The following ITSN1 variants were observed in gnomAD, a reference collection of about 807,000 sequenced individuals.
ITSN1 encodes intersectin 1.
In ITSN1, 58 loss-of-function variants were observed where a neutral mutation model predicts 239.8. The observed-to-expected ratio is 0.24, with a 90% CI of 0.20 to 0.30. The LOEUF is 0.30. Among genes scored for constraint, ITSN1 ranks in the 10% least tolerant of loss-of-function variants. The pLI is 1.00. For synonymous variants in ITSN1, 780 were observed against 770.8 expected, an observed-to-expected ratio of 1.01 and a Z score of -0.20; for missense variants, 1,558 against 2,103.3, an observed-to-expected ratio of 0.74 and a Z score of 5.07.
chr21:33,712,716 AAAG>A (rs2092449879), intron 1 of ITSN1, among the ~76,000 whole-genome samples: 2 of 152,180 alleles, frequency 1.3e-5, no homozygotes, highest in Admixed American at 6.5e-5. Context: ...AAAAGACAAA[AAAG>A]AAAGTTTTTA....
chr21:33,726,088 G>C (rs2065815127), intron 4 of ITSN1, among the ~76,000 whole-genome samples: 1 of 152,152 alleles, frequency 6.6e-6, no homozygotes, highest in Non-Finnish European at 1.5e-5. Context: ...CTGCCTCCCA[G>C]GTTCAAGTGA....
At chr21:33,768,662 A>G (rs1397618098) in intron 11 of ITSN1, among the ~76,000 whole-genome samples, 1 of 152,216 alleles carries the variant, frequency 6.6e-6, no homozygotes, top group African/African-American at 2.4e-5. Flanking sequence ...TGAATTATTA[A>G]TGATGAGATG....
intron 1 of ITSN1, among the ~76,000 whole-genome samples, chr21:33,706,742 ATTTG>A (rs938947863): frequency 3.9e-5 from 6 of 152,052 alleles, no homozygotes; most frequent in South Asian, 4.2e-4. Flanking sequence ...TTCAGGTTTT[ATTTG>A]TTTATTTATT....
At chr21:33,738,599 A>G (rs2066648148) in intron 5 of ITSN1, among the ~76,000 whole-genome samples, 1 of 151,918 alleles carries the variant, frequency 6.6e-6, no homozygotes, top group Non-Finnish European at 1.5e-5. Context: ...ACGGGGTTTC[A>G]CCATCTTGGC....
chr21:33,781,963 T>A (rs2070227072), intron 15 of ITSN1, 31 bp from the exon 16 acceptor site: 1 of 1,564,338 alleles, frequency 6.4e-7, no homozygotes, highest in East Asian at 2.2e-5. Flanking sequence ...ATTAAAGTTT[T>A]TCTTATCTTT....
Position 33,882,740 on chromosome 21 carries a change from G to C in ITSN1, c.4554+285G>C, listed in dbSNP as rs977804522. Among the ~76,000 whole-genome samples, 2 of 152,144 alleles carry C rather than the reference G, an allele frequency of 1.3e-5. No homozygotes were observed. The highest frequency in any genetic ancestry group is 4.8e-5 in the African/African-American group (2 of 41,414). The stretch of plus-strand genomic sequence containing the variant: ...CTTTAGCCTGTAGGAGCGAAGTCTA[G>C]GGTACAGATGAGGCAGGTGTGAAAA... On this transcript the variant is annotated intron_variant, in intron 35 of 39. Transcript: ENST00000381318. The surrounding 1 kb of genome is among the most constrained non-coding windows in gnomAD (Gnocchi z 4.5).
At position 33,810,961 on chromosome 21, in the gene ITSN1, G is replaced by C; in HGVS notation, c.2320-14G>C. ...TTAATTTAGTTCTACTTAAAGCTGTGACTTTTTCCACAGGTGGATGAAAGC... is the reference window on the plus strand; with the variant it reads ...TTAATTTAGTTCTACTTAAAGCTGTCACTTTTTCCACAGGTGGATGAAAGC... On this transcript the variant is annotated splice_polypyrimidine_tract_variant and intron_variant, in intron 20 of 39. Coordinates refer to ENST00000381318, the MANE Select transcript of ITSN1 (RefSeq NM_003024.3). 1 of 1,614,180 alleles carries C rather than the reference G, an allele frequency of 6.2e-7. No individual in the cohort carries two copies. The highest frequency in any genetic ancestry group is 8.5e-7 in the Non-Finnish European group (1 of 1,180,018).
chr21:33,833,493 T>C (rs2074412126), intron 27 of ITSN1, among the ~76,000 whole-genome samples: 1 of 152,202 alleles, frequency 6.6e-6, no homozygotes. Flanking sequence ...CACTCAACTT[T>C]TCATCTGGAA....
intron 4 of ITSN1, among the ~76,000 whole-genome samples, chr21:33,730,989 C>T (rs1220118153): frequency 2.0e-5 from 3 of 152,240 alleles, no homozygotes; most frequent in Admixed American, 1.3e-4. Context: ...AGCCACCGCG[C>T]CCAGCCGTAA....
chr21:33,687,481 A>C (rs757801851), intron 1 of ITSN1, among the ~76,000 whole-genome samples: 27 of 151,988 alleles, frequency 1.8e-4, no homozygotes, highest in Non-Finnish European at 3.5e-4. Context: ...ACATAATAAG[A>C]CAATCTGAAA....
chr21:33,783,255 A>G (rs576911285), intron 16 of ITSN1, among the ~76,000 whole-genome samples: 2 of 152,358 alleles, frequency 1.3e-5, no homozygotes, highest in Non-Finnish European at 2.9e-5. Context: ...CTCCTATTCT[A>G]TAATTCTAAA....
At chr21:33,743,235 G>A (rs2066973054) in intron 5 of ITSN1, among the ~76,000 whole-genome samples, 1 of 152,230 alleles carries the variant, frequency 6.6e-6, no homozygotes, top group East Asian at 1.9e-4. Flanking sequence ...AGAGGCCGAG[G>A]TGAGCGGATC....
At chr21:33,677,541 T>C (rs1230140594) in intron 1 of ITSN1, among the ~76,000 whole-genome samples, 1 of 152,050 alleles carries the variant, frequency 6.6e-6, no homozygotes, top group African/African-American at 2.4e-5. Context: ...GGTTTCGCCC[T>C]GTTGGCCAGG....
At chr21:33,849,798 C>T (rs1347365024) in intron 29 of ITSN1, among the ~76,000 whole-genome samples, 1 of 152,018 alleles carries the variant, frequency 6.6e-6, no homozygotes, top group Non-Finnish European at 1.5e-5. Flanking sequence ...TACAATGTAC[C>T]CACAAAACTT....
At chr21:33,696,304 C>T (rs1325385332) in intron 1 of ITSN1, among the ~76,000 whole-genome samples, 2 of 152,110 alleles carry the variant, frequency 1.3e-5, no homozygotes, top group African/African-American at 4.8e-5. Flanking sequence ...TGCAGATTGC[C>T]TTTATCTCCT....
At chr21:33,741,963 G>A (rs1211045704) in intron 5 of ITSN1, among the ~76,000 whole-genome samples, 2 of 150,836 alleles carry the variant, frequency 1.3e-5, no homozygotes, top group East Asian at 1.9e-4. Context: ...TGCTGCTTGC[G>A]AGTCAACAAT....
chr21:33,707,631 G>A (rs2092293356), intron 1 of ITSN1, among the ~76,000 whole-genome samples: 1 of 152,144 alleles, frequency 6.6e-6, no homozygotes, highest in Non-Finnish European at 1.5e-5. Flanking sequence ...AATTTTTCTG[G>A]AAGTGGAATC....
intron 29 of ITSN1, chr21:33,837,337 T>C: frequency 1.9e-6 from 2 of 1,032,570 alleles, no homozygotes; most frequent in Non-Finnish European, 1.2e-6. Flanking sequence ...TTTAAATATA[T>C]ATTTTAGCTT....
chr21:33,886,512 C>A, intron 39 of ITSN1, 52 bp downstream of exon 39: 1 of 1,457,322 alleles, frequency 6.9e-7, no homozygotes, highest in Non-Finnish European at 9.2e-7. Flanking sequence ...CACTCGTTTG[C>A]GTGGGTTAAT....
Sources: gnomAD v4.1 joint callset for allele counts (sites outside exome capture counted in the v4.1 genomes callset) on GRCh38, gnomAD v4.1.1 for gene constraint, Gnocchi (gnomAD v3.1) non-coding constraint, MANE v1.5 for transcripts, NCBI Gene and HGNC (gene_info 2026-07-23, HGNC 2026-07-21) for gene names.